Variants in SLC8A2 observed in about 807,000 individuals in gnomAD.
The protein encoded by SLC8A2 is sodium/calcium exchanger 2.
A neutral mutation model predicts 70.2 loss-of-function variants in SLC8A2; 14 were observed. That is an observed-to-expected ratio of 0.20 (90% CI 0.13 to 0.31). The LOEUF (loss-of-function observed/expected upper bound fraction) is 0.31. Ranked by LOEUF, SLC8A2 falls within the 10% of genes least tolerant of loss-of-function variation. The pLI, the probability that SLC8A2 is intolerant of heterozygous loss-of-function variation, is 1.00. For synonymous variants in SLC8A2, 575 were observed against 594.3 expected (o/e 0.97, Z 0.47); for missense variants, 779 against 1,320.1 (o/e 0.59, Z 6.35).
At chr19:47,455,099 G>A (rs1967288439) in intron 3 of SLC8A2, among the ~76,000 whole-genome samples, 1 of 152,132 alleles carries the variant, frequency 6.6e-6, no homozygotes. Context: ...AAGAAGAAAG[G>A]AAGAGAGGAG....
chr19:47,446,232 G>A (rs1967160544), intron 4 of SLC8A2, among the ~76,000 whole-genome samples: 1 of 151,714 alleles, frequency 6.6e-6, no homozygotes, highest in South Asian at 2.1e-4. Context: ...ACGGGCATGC[G>A]GGGGCGGAAG....
intron 2 of SLC8A2, among the ~76,000 whole-genome samples, chr19:47,459,534 G>A (rs772899446): frequency 1.4e-5 from 2 of 145,270 alleles, no homozygotes; most frequent in Non-Finnish European, 3.1e-5. Flanking sequence ...GCGTGCGCGT[G>A]TGTGCGCATG....
At chr19:47,469,119 CGTGTGTGTGTGTGTGT>C (rs10670696) in intron 1 of SLC8A2, among the ~76,000 whole-genome samples, 2 of 143,162 alleles carry the variant, frequency 1.4e-5, no homozygotes, top group African/African-American at 5.2e-5. Context: ...TGCCTGTGTG[CGTGTGTGTGTGTGTGT>C]GTGTGTGTGT....
chr19:47,450,515 T>C (rs1275532441), intron 3 of SLC8A2, among the ~76,000 whole-genome samples: 2 of 151,650 alleles, frequency 1.3e-5, no homozygotes, highest in Non-Finnish European at 2.9e-5. Flanking sequence ...AGAGCAAGAC[T>C]CCGTCTCAAA....
intron 3 of SLC8A2, among the ~76,000 whole-genome samples, chr19:47,455,947 C>G (rs1967298277): frequency 6.6e-6 from 1 of 152,196 alleles, no homozygotes; most frequent in Admixed American, 6.5e-5. Flanking sequence ...GCCATCGTCT[C>G]TCTCCTCCAC....
intron 2 of SLC8A2, among the ~76,000 whole-genome samples, chr19:47,461,584 T>A (rs956071561): frequency 5.9e-5 from 9 of 152,212 alleles, no homozygotes; most frequent in African/African-American, 2.2e-4. Context: ...TTGCCACACC[T>A]GCTATCACTG....
In SLC8A2 at chr19:47,457,106, G is replaced by A. The variant is rs367689270; in HGVS notation, c.1164C>T (p.Asp388=). 1.1e-3 allele frequency: 1,758 copies of A among 1,555,026 alleles called. 2 individuals are homozygous for A. The highest frequency in any genetic ancestry group is 1.5e-3 in the Non-Finnish European group (1,676 of 1,150,206). The change falls in exon 3 of 10, where the codon GAC becomes GAT. Residue 388 remains aspartate, a synonymous_variant. Coordinates refer to ENST00000236877, the MANE Select transcript of SLC8A2 (RefSeq NM_015063.3). ...AGATGCGGCTGGCGCCGTCGTCTTC[G>A]TCCTCGCCCGCGCCCTCGGCCGGCG... The part of the protein sequence containing the change: ...RAAPAEGAGE[D]EDDGASRIFF...
In SLC8A2 at chr19:47,447,663, G is replaced by A; in HGVS notation, c.1763+146C>T. The A allele has an allele frequency of 3.8e-6, 3 of 783,060 alleles. No homozygotes were observed. Among genetic ancestry groups the A allele is most frequent in the Non-Finnish European group, 3.7e-6 (2 of 534,572 alleles). The allele number at this position is 783,060 out of a possible 1,614,324, so 48.5% of individuals were successfully genotyped here. ...AGGCCCCGCCCACGTTGCGGGCACG[G>A]CCACGCAGGCCCCTCCCCTCCCGAG... On this transcript the variant is annotated intron_variant, in intron 4 of 9. Coordinates refer to ENST00000236877, the MANE Select transcript of SLC8A2 (RefSeq NM_015063.3). This position sits in a 1 kb window ranked among gnomAD's most constrained non-coding sequence, Gnocchi z 5.1.
At chr19:47,461,786 C>T (rs577464321) in intron 2 of SLC8A2, among the ~76,000 whole-genome samples, 1 of 152,328 alleles carries the variant, frequency 6.6e-6, no homozygotes, top group East Asian at 1.9e-4. Flanking sequence ...CAATCCCAAA[C>T]CCCTAAGATT....
At position 47,428,059 on chromosome 19, in the gene SLC8A2, C is replaced by T. The variant is rs1966896507; in HGVS notation, c.*2030G>A. 6.6e-6 allele frequency: 1 copy of T among 152,254 alleles called. No individual in the cohort carries two copies. Among genetic ancestry groups the T allele is most frequent in the Non-Finnish European group, 1.5e-5 (1 of 68,096 alleles). The allele number at this position is 152,254 out of a possible 1,614,324, so 9.4% of individuals were successfully genotyped here. A position where few individuals can be genotyped will look rare whatever the true frequency, so the allele number is the denominator to read the frequency against. On this transcript the variant is annotated 3_prime_UTR_variant, in exon 10 of 10. Transcript: ENST00000236877. ...ACTTGCTTTATTTAGGAAACCCCAT[C>T]AACCCCAGCTCTTTGGCTCAGGCAA...
At position 47,430,733 on chromosome 19, in the gene SLC8A2, T is replaced by C. The variant is rs1000378549; in HGVS notation, c.2390-268A>G. ...TATGGGACTCACTGCGTGATTTCTT[T>C]TTTTTTCCTCCGAGACGGAGTTTTG... On this transcript the variant is annotated intron_variant, in intron 9 of 9. Transcript: ENST00000236877. The surrounding 1 kb of genome is among the most constrained non-coding windows in gnomAD (Gnocchi z 5.9). Among the ~76,000 whole-genome samples, 1 of 152,218 alleles carries C rather than the reference T, an allele frequency of 6.6e-6. No homozygotes were observed. Among genetic ancestry groups the C allele is most frequent in the Non-Finnish European group, 1.5e-5 (1 of 68,032 alleles).
At chr19:47,460,723 A>G (rs928122610) in intron 2 of SLC8A2, among the ~76,000 whole-genome samples, 1 of 151,640 alleles carries the variant, frequency 6.6e-6, no homozygotes, top group African/African-American at 2.4e-5. Flanking sequence ...GAAAAAGAAA[A>G]AAAAGAACAT....
intron 2 of SLC8A2, among the ~76,000 whole-genome samples, chr19:47,461,234 C>A (rs934598494): frequency 1.3e-5 from 2 of 151,938 alleles, no homozygotes; most frequent in African/African-American, 4.8e-5. Flanking sequence ...GAAGGCCAGG[C>A]ACAGTGGCTC....
chr19:47,442,822 T>C (rs1289168904), intron 4 of SLC8A2, among the ~76,000 whole-genome samples: 1 of 152,192 alleles, frequency 6.6e-6, no homozygotes, highest in Non-Finnish European at 1.5e-5. Flanking sequence ...TAGCTGGGAC[T>C]ACAGGTATAC....
chr19:47,458,888 T>C (rs571634435), intron 2 of SLC8A2, among the ~76,000 whole-genome samples: 83 of 151,350 alleles, frequency 5.5e-4, no homozygotes, highest in Admixed American at 3.1e-3. Flanking sequence ...CACCTCTCTC[T>C]CCCCATCTCT....
intron 2 of SLC8A2, among the ~76,000 whole-genome samples, chr19:47,458,919 C>T (rs1047258923): frequency 1.3e-5 from 2 of 150,314 alleles, no homozygotes; most frequent in Admixed American, 6.6e-5. Context: ...TCTCCCACCC[C>T]TTTCCATCTT....
At chr19:47,456,717 G>T (rs1028594286) in intron 3 of SLC8A2, among the ~76,000 whole-genome samples, 2 of 152,224 alleles carry the variant, frequency 1.3e-5, no homozygotes. Context: ...GTAGCCTTCG[G>T]ATAGCCATGC....
At chr19:47,438,374 T>C (rs1967058040) in intron 6 of SLC8A2, among the ~76,000 whole-genome samples, 1 of 152,178 alleles carries the variant, frequency 6.6e-6, no homozygotes. Context: ...AAATATTCAA[T>C]ACATGTTACT....
Position 47,466,328 on chromosome 19 carries a change from GGGTTGGGGT to G in SLC8A2, c.67_75del (p.Thr23_Thr25del). 6.8e-7 allele frequency: 1 copy of G among 1,469,574 alleles called. No individual in the cohort carries two copies. Among genetic ancestry groups the G allele is most frequent in the Non-Finnish European group, 9.0e-7 (1 of 1,108,080 alleles). The allele number at this position is 1,469,574 out of a possible 1,614,324, so 91.0% of individuals were successfully genotyped here. A position where few individuals can be genotyped will look rare whatever the true frequency, so the allele number is the denominator to read the frequency against. ...TTGGCCGGGGGAGGCGGCAGGGAGGGGGTTGGGGTGGCTGCCCCGGAGCATGGGGGAGCC... is the reference window on the plus strand; with the variant it reads ...TTGGCCGGGGGAGGCGGCAGGGAGGGGGCTGCCCCGGAGCATGGGGGAGCC... On this transcript the variant is annotated inframe_deletion, in exon 2 of 10. Transcript: ENST00000236877. This position sits in a 1 kb window ranked among gnomAD's most constrained non-coding sequence, Gnocchi z 6.9.
Sources: allele counts gnomAD v4.1 joint callset (sites outside exome capture counted in the v4.1 genomes callset), GRCh38; gene constraint gnomAD v4.1.1; non-coding constraint Gnocchi (gnomAD v3.1); transcripts MANE v1.5; gene names NCBI Gene and HGNC (gene_info 2026-07-23, HGNC 2026-07-21).